Variants in RASEF observed in about 807,000 individuals in gnomAD.
RASEF encodes ras and EF-hand domain-containing protein.
In RASEF, 68 loss-of-function variants were observed where a neutral mutation model predicts 90.1. The ratio of observed to expected loss-of-function variants is 0.75; its 90% CI spans 0.62 to 0.92. The LOEUF is 0.92. Ranked by LOEUF, RASEF falls within the 40% of genes least tolerant of loss-of-function variation. The probability of loss-of-function intolerance (pLI) is 0.00; values close to 1 mark genes in which losing one functional copy is unlikely to be tolerated. For synonymous variants in RASEF, 331 were observed against 345.2 expected (o/e 0.96, Z 0.46); for missense variants, 949 against 937.2 (o/e 1.01, Z -0.16).
the RASEF span, among the ~76,000 whole-genome samples, chr9:83,215,272 T>G: frequency 5.3e-5 from 8 of 152,108 alleles, no homozygotes; most frequent in Non-Finnish European, 1.0e-4. Context: ...ACCCGATTCT[T>G]CTGGGATGCT....
At chr9:83,023,870 T>C (rs932660636) in intron 2 of RASEF, among the ~76,000 whole-genome samples, 3 of 152,256 alleles carry the variant, frequency 2.0e-5, no homozygotes, top group African/African-American at 7.2e-5. Flanking sequence ...GGACTCTCTC[T>C]GCCCTTTTCA....
chr9:83,077,876 A>G, the RASEF span, among the ~76,000 whole-genome samples: 1 of 152,182 alleles, frequency 6.6e-6, no homozygotes, highest in African/African-American at 2.4e-5. Context: ...GAAACAAGGG[A>G]AGACGGTGGG....
intron 1 of RASEF, among the ~76,000 whole-genome samples, chr9:83,035,192 C>T (rs908204434): frequency 1.3e-5 from 2 of 152,146 alleles, no homozygotes; most frequent in African/African-American, 4.8e-5. Flanking sequence ...CTGTGAAGCA[C>T]CAGGTAGAAA....
intron 6 of RASEF, among the ~76,000 whole-genome samples, chr9:83,008,702 C>A (rs1313897808): frequency 6.6e-6 from 1 of 151,910 alleles, no homozygotes; most frequent in Non-Finnish European, 1.5e-5. Flanking sequence ...AGGCTCACCT[C>A]CAGCATCACC....
Position 83,062,956 on chromosome 9 carries a change from G to A in RASEF, c.-89C>T, listed in dbSNP as rs1053554659. 66 of 1,313,766 alleles carry A rather than the reference G, an allele frequency of 5.0e-5. No homozygotes were observed. The highest frequency in any genetic ancestry group is 6.2e-5 in the Non-Finnish European group (63 of 1,022,368). 81.4% of individuals were successfully genotyped at this position (1,313,766 alleles called of 1,614,324 possible). ...AGGACGGGGCCACCTGCTGCCGCCGGGAGGCCCGGCGAGTTTGGCTCGTCC... is the reference window on the plus strand; with the variant it reads ...AGGACGGGGCCACCTGCTGCCGCCGAGAGGCCCGGCGAGTTTGGCTCGTCC... On this transcript the variant is annotated 5_prime_UTR_variant, in exon 1 of 17. Transcript: ENST00000376447.
At chr9:83,015,445 C>A (rs575807573) in intron 4 of RASEF, among the ~76,000 whole-genome samples, 54 of 152,166 alleles carry the variant, frequency 3.5e-4, no homozygotes, top group Admixed American at 5.9e-4. Context: ...CTTTGGGAGG[C>A]TGAAGTGGGT....
chr9:83,038,100 T>C (rs1180501322), intron 1 of RASEF, among the ~76,000 whole-genome samples: 1 of 152,090 alleles, frequency 6.6e-6, no homozygotes, highest in Non-Finnish European at 1.5e-5. Flanking sequence ...TTTTGATGTA[T>C]CTAAGTATTG....
chr9:83,030,044 A>T (rs1357752183), intron 1 of RASEF, among the ~76,000 whole-genome samples: 10 of 152,136 alleles, frequency 6.6e-5, no homozygotes, highest in Non-Finnish European at 1.2e-4. Flanking sequence ...CTTTAATAGA[A>T]CCCTGCCTGT....
At chr9:83,129,372 A>G in the RASEF span, among the ~76,000 whole-genome samples, 2 of 150,220 alleles carry the variant, frequency 1.3e-5, no homozygotes, top group Admixed American at 6.6e-5. Flanking sequence ...GCACCACTGC[A>G]CTCCAGCATG....
chr9:83,142,904 A>AC, the RASEF span, among the ~76,000 whole-genome samples: 8 of 151,884 alleles, frequency 5.3e-5, no homozygotes. Context: ...TATAAAACAG[A>AC]ACAAGATTAT....
chr9:83,165,023 C>T, the RASEF span, among the ~76,000 whole-genome samples: 128 of 151,770 alleles, frequency 8.4e-4, no homozygotes, highest in African/African-American at 2.8e-3. Flanking sequence ...GACAGAACTA[C>T]GAGGAAAAAA....
chr9:83,217,212 T>C, the RASEF span, among the ~76,000 whole-genome samples: 4 of 152,152 alleles, frequency 2.6e-5, no homozygotes, highest in Non-Finnish European at 5.9e-5. Flanking sequence ...CCATTGTATC[T>C]AGAAATTAAC....
At chr9:83,111,379 G>T in the RASEF span, among the ~76,000 whole-genome samples, 94 of 152,084 alleles carry the variant, frequency 6.2e-4, no homozygotes, top group African/African-American at 2.0e-3. Context: ...TTCTTCAAAG[G>T]GTATAAACTT....
At chr9:82,983,138 C>T (rs901463388) in intron 16 of RASEF, among the ~76,000 whole-genome samples, 1 of 151,314 alleles carries the variant, frequency 6.6e-6, no homozygotes, top group Admixed American at 6.6e-5. Context: ...CACACACACA[C>T]ACACACACAC....
At chr9:83,151,599 A>G in the RASEF span, among the ~76,000 whole-genome samples, 2 of 152,236 alleles carry the variant, frequency 1.3e-5, no homozygotes, top group Non-Finnish European at 2.9e-5. Context: ...TTGCAACTGG[A>G]AAACCAAGAG....
chr9:83,177,547 A>G, the RASEF span, among the ~76,000 whole-genome samples: 1 of 150,094 alleles, frequency 6.7e-6, no homozygotes, highest in African/African-American at 2.4e-5. Context: ...TCTGGCCTCC[A>G]TTGTTTCTGC....
the RASEF span, among the ~76,000 whole-genome samples, chr9:83,098,819 G>A: frequency 1.3e-5 from 2 of 152,026 alleles, no homozygotes; most frequent in African/African-American, 2.4e-5. Context: ...AACAGGAAGG[G>A]AGAAAACCCC....
chr9:83,209,083 T>C, the RASEF span, among the ~76,000 whole-genome samples: 2 of 152,248 alleles, frequency 1.3e-5, no homozygotes, highest in African/African-American at 4.8e-5. Flanking sequence ...CCCACTGGGC[T>C]CTCTGGTCCC....
chr9:83,105,764 G>C, the RASEF span, among the ~76,000 whole-genome samples: 1 of 152,272 alleles, frequency 6.6e-6, no homozygotes, highest in East Asian at 1.9e-4. Flanking sequence ...ATGCCAAGTG[G>C]GCATAATGCT....
Sources: gnomAD v4.1 joint callset for allele counts (sites outside exome capture counted in the v4.1 genomes callset) on GRCh38, gnomAD v4.1.1 for gene constraint, MANE v1.5 for transcripts, NCBI Gene and HGNC (gene_info 2026-07-23, HGNC 2026-07-21) for gene names.